SPAG16: variants seen among roughly 807,000 people sequenced by gnomAD.
SPAG16 encodes sperm-associated antigen 16 protein.
Under a neutral mutation model 80.4 loss-of-function variants are expected in SPAG16, and 86 were observed. The observed-to-expected ratio is 1.07, with a 90% confidence interval of 0.90 to 1.28. The LOEUF (loss-of-function observed/expected upper bound fraction) is 1.28, where lower values mean the gene tolerates loss of function less well. Among genes scored for constraint, SPAG16 ranks in the 50% most tolerant of loss-of-function variants. The pLI, the probability that SPAG16 is intolerant of heterozygous loss-of-function variation, is 0.00. For missense variants in SPAG16, 870 were observed against 765.3 expected (o/e 1.14, Z -1.61); for synonymous variants, 294 against 265.9 (o/e 1.11, Z -1.03).
At chr2:214,297,621 G>C (rs1694228848) in intron 15 of SPAG16, among the ~76,000 whole-genome samples, 1 of 151,912 alleles carries the variant, frequency 6.6e-6, no homozygotes, top group Non-Finnish European at 1.5e-5. Context: ...TATTTTTGCT[G>C]ACATTGGAAA....
intron 11 of SPAG16, among the ~76,000 whole-genome samples, chr2:213,895,770 A>T (rs1267072586): frequency 1.3e-5 from 2 of 152,144 alleles, no homozygotes; most frequent in Non-Finnish European, 2.9e-5. Context: ...TTTACCACAC[A>T]CAAAAATAAA....
intron 11 of SPAG16, among the ~76,000 whole-genome samples, chr2:213,919,906 T>A (rs997898271): frequency 6.6e-6 from 1 of 152,188 alleles, no homozygotes; most frequent in Admixed American, 6.5e-5. Flanking sequence ...TCTCCACTAT[T>A]ATTTTGTAGG....
At chr2:213,625,071 G>C (rs1350954409) in intron 10 of SPAG16, among the ~76,000 whole-genome samples, 1 of 152,140 alleles carries the variant, frequency 6.6e-6, no homozygotes, top group Non-Finnish European at 1.5e-5. Flanking sequence ...GGAATTTCAG[G>C]CTTGAGCCAC....
At chr2:214,166,522 C>T (rs76484971) in intron 15 of SPAG16, among the ~76,000 whole-genome samples, 1,995 of 152,294 alleles carry the variant, frequency 0.013, 45 homozygotes, top group African/African-American at 0.046. Flanking sequence ...CCTGTTAGGC[C>T]ATTTTCTCTC....
At chr2:213,802,601 A>G (rs1234069977) in intron 10 of SPAG16, among the ~76,000 whole-genome samples, 2 of 152,182 alleles carry the variant, frequency 1.3e-5, no homozygotes, top group African/African-American at 4.8e-5. Flanking sequence ...CTGAAGACAA[A>G]GACCATAATA....
At chr2:213,363,495 T>C (rs1230819660) in intron 7 of SPAG16, among the ~76,000 whole-genome samples, 1 of 152,112 alleles carries the variant, frequency 6.6e-6, no homozygotes, top group East Asian at 1.9e-4. Flanking sequence ...TCATATACAA[T>C]GCAAGATGAA....
At chr2:213,824,807 T>C (rs2073169916) in intron 10 of SPAG16, among the ~76,000 whole-genome samples, 1 of 152,160 alleles carries the variant, frequency 6.6e-6, no homozygotes, top group South Asian at 2.1e-4. Context: ...TTGTATAAAA[T>C]CCATAGATTT....
At chr2:214,156,527 C>G (rs1438559387) in intron 15 of SPAG16, among the ~76,000 whole-genome samples, 1 of 152,152 alleles carries the variant, frequency 6.6e-6, no homozygotes, top group Non-Finnish European at 1.5e-5. Flanking sequence ...CACCTGTAAT[C>G]CGAGTACTTT....
intron 10 of SPAG16, among the ~76,000 whole-genome samples, chr2:213,801,400 T>A (rs2071389823): frequency 6.6e-6 from 1 of 152,184 alleles, no homozygotes; most frequent in African/African-American, 2.4e-5. Flanking sequence ...CACCACGTAC[T>A]AAAAGATAGA....
intron 15 of SPAG16, among the ~76,000 whole-genome samples, chr2:214,270,057 A>C (rs1466567287): frequency 6.6e-6 from 1 of 152,094 alleles, no homozygotes; most frequent in Non-Finnish European, 1.5e-5. Context: ...CTCCTATTGG[A>C]GTCTTAATTC....
chr2:213,405,612 CCT>C (rs2125361612), intron 9 of SPAG16, among the ~76,000 whole-genome samples: 1 of 152,280 alleles, frequency 6.6e-6, no homozygotes, highest in African/African-American at 2.4e-5. Flanking sequence ...CATTAACCAA[CCT>C]CTCTGCCTTT....
At chr2:214,138,140 A>C (rs377663503) in intron 14 of SPAG16, among the ~76,000 whole-genome samples, 1 of 152,118 alleles carries the variant, frequency 6.6e-6, no homozygotes, top group African/African-American at 2.4e-5. Flanking sequence ...GAGGATTTTC[A>C]TCAGAGAGCA....
chr2:214,078,064 T>C (rs1013569535), intron 13 of SPAG16, among the ~76,000 whole-genome samples: 5 of 152,162 alleles, frequency 3.3e-5, no homozygotes, highest in East Asian at 3.9e-4. Flanking sequence ...GCTTATTGCT[T>C]AGATGTGTTC....
intron 10 of SPAG16, among the ~76,000 whole-genome samples, chr2:213,516,399 T>G (rs1157584800): frequency 8.2e-6 from 1 of 121,226 alleles, no homozygotes; most frequent in African/African-American, 3.6e-5. Context: ...CATTTTATCT[T>G]TTTCTTAAAA....
chr2:213,355,660 CTGTT>C (rs1255919995), intron 7 of SPAG16, among the ~76,000 whole-genome samples: 2 of 152,230 alleles, frequency 1.3e-5, no homozygotes, highest in African/African-American at 4.8e-5. Context: ...ATTTGGCCCT[CTGTT>C]TGTCTGTTAT....
intron 13 of SPAG16, among the ~76,000 whole-genome samples, chr2:214,060,828 A>G (rs1344687694): frequency 1.3e-5 from 2 of 152,310 alleles, no homozygotes; most frequent in South Asian, 4.1e-4. Context: ...GAGGATTCAG[A>G]AAATTCCTTC....
At chr2:214,256,814 A>G (rs896556509) in intron 15 of SPAG16, among the ~76,000 whole-genome samples, 7 of 148,608 alleles carry the variant, frequency 4.7e-5, no homozygotes, top group African/African-American at 1.8e-4. Context: ...ACTTTCCTTA[A>G]TGTAGCATTA....
At chr2:213,424,357 A>G (rs1348183462) in intron 9 of SPAG16, among the ~76,000 whole-genome samples, 3 of 152,244 alleles carry the variant, frequency 2.0e-5, no homozygotes, top group Non-Finnish European at 4.4e-5. Context: ...TTTTACCATT[A>G]TAGAGATTTG....
chr2:213,610,636 A>C (rs1480209713), intron 10 of SPAG16, among the ~76,000 whole-genome samples: 1 of 152,216 alleles, frequency 6.6e-6, no homozygotes, highest in African/African-American at 2.4e-5. Context: ...GCAAGTCTGC[A>C]GTGCAAAGCA....
Sources: gnomAD v4.1 joint callset for allele counts (sites outside exome capture counted in the v4.1 genomes callset) on GRCh38, gnomAD v4.1.1 for gene constraint, MANE v1.5 for transcripts, NCBI Gene and HGNC (gene_info 2026-07-23, HGNC 2026-07-21) for gene names.